SEMA3A: variants seen among roughly 807,000 people sequenced by gnomAD.
The protein encoded by SEMA3A is semaphorin 3A.
Under a neutral mutation model 97.9 loss-of-function variants are expected in SEMA3A, and 29 were observed. That is an observed-to-expected ratio of 0.30 (90% confidence interval 0.22 to 0.40). The LOEUF is 0.40. Ranked by LOEUF, SEMA3A falls within the 10% of genes least tolerant of loss-of-function variation. The probability of loss-of-function intolerance (pLI) is 1.00; values close to 1 mark genes in which losing one functional copy is unlikely to be tolerated. For synonymous variants in SEMA3A, 321 were observed against 323.7 expected (o/e 0.99, Z 0.09); for missense variants, 763 against 951.3 (o/e 0.80, Z 2.60).
At chr7:84,307,344 A>T (rs1408823627) in intron 2 of SEMA3A, 2 of 152,168 alleles carry the variant, frequency 1.3e-5, no homozygotes, top group African/African-American at 4.8e-5. Flanking sequence ...TCAAACAATT[A>T]CCAATCAATT....
chr7:84,331,797 C>A (rs1379215228), intron 2 of SEMA3A, among the ~76,000 whole-genome samples: 1 of 151,972 alleles, frequency 6.6e-6, no homozygotes, highest in Non-Finnish European at 1.5e-5. Context: ...TGCGTGCATG[C>A]GTGCGTGCAT....
At chr7:83,968,880 G>A (rs1414232402) in intron 15 of SEMA3A, among the ~76,000 whole-genome samples, 4 of 138,730 alleles carry the variant, frequency 2.9e-5, no homozygotes, top group African/African-American at 8.1e-5. Flanking sequence ...GCACGATCTC[G>A]GCTCACTGCA....
At chr7:84,272,785 C>G (rs111445004) in intron 3 of SEMA3A, among the ~76,000 whole-genome samples, 1 of 152,068 alleles carries the variant, frequency 6.6e-6, no homozygotes, top group African/African-American at 2.4e-5. Context: ...CCCTAGGCAT[C>G]GCCAAGCAAA....
chr7:84,100,451 TA>T (rs1431998247), intron 4 of SEMA3A, among the ~76,000 whole-genome samples: 3 of 152,174 alleles, frequency 2.0e-5, no homozygotes, highest in Non-Finnish European at 2.9e-5. Context: ...TTCTCATTAG[TA>T]AAATGAAGAT....
intron 2 of SEMA3A, among the ~76,000 whole-genome samples, chr7:84,129,986 A>C (rs1795916051): frequency 6.6e-6 from 1 of 152,070 alleles, no homozygotes; most frequent in South Asian, 2.1e-4. Context: ...AGGACAGTGG[A>C]TTCATCCCCC....
chr7:84,128,212 T>C (rs1366839865), intron 3 of SEMA3A, among the ~76,000 whole-genome samples: 1 of 151,812 alleles, frequency 6.6e-6, no homozygotes, highest in Non-Finnish European at 1.5e-5. Context: ...GCATGGTCCT[T>C]TTTCAACCCA....
At chr7:84,308,684 T>C (rs1406673532) in intron 2 of SEMA3A, among the ~76,000 whole-genome samples, 1 of 152,172 alleles carries the variant, frequency 6.6e-6, no homozygotes, top group Non-Finnish European at 1.5e-5. Context: ...TATCTACTGA[T>C]GTCTGGAGAA....
intron 3 of SEMA3A, among the ~76,000 whole-genome samples, chr7:84,238,990 G>A (rs865880950): frequency 3.9e-5 from 6 of 152,074 alleles, no homozygotes; most frequent in Non-Finnish European, 5.9e-5. Flanking sequence ...GTACTGGGAT[G>A]ACAGGCGTGA....
intron 12 of SEMA3A, among the ~76,000 whole-genome samples, chr7:83,990,285 A>G (rs58009552): frequency 3.8e-4 from 58 of 152,194 alleles, no homozygotes; most frequent in African/African-American, 1.3e-3. Flanking sequence ...TCACTCTGAT[A>G]GTAGTTTCTT....
At chr7:84,151,518 A>G (rs942046121) in intron 1 of SEMA3A, among the ~76,000 whole-genome samples, 2 of 152,116 alleles carry the variant, frequency 1.3e-5, no homozygotes, top group Non-Finnish European at 2.9e-5. Flanking sequence ...AATGAAATGA[A>G]GCGAGAAGGG....
intron 14 of SEMA3A, among the ~76,000 whole-genome samples, chr7:83,980,882 A>T (rs898174809): frequency 6.6e-6 from 1 of 152,000 alleles, no homozygotes; most frequent in Non-Finnish European, 1.5e-5. Context: ...ATATTTTCAA[A>T]ACTAGAAATA....
intron 1 of SEMA3A, among the ~76,000 whole-genome samples, chr7:84,385,272 TG>T (rs1276585776): frequency 6.6e-6 from 1 of 152,154 alleles, no homozygotes; most frequent in Non-Finnish European, 1.5e-5. Flanking sequence ...ATTTGTCTTT[TG>T]GGAAGCCTTG....
intron 1 of SEMA3A, among the ~76,000 whole-genome samples, chr7:84,174,418 C>T (rs552504948): frequency 3.2e-4 from 48 of 152,278 alleles, no homozygotes; most frequent in African/African-American, 1.1e-3. Flanking sequence ...GAAGCATAGA[C>T]GTTTTTCCTT....
chr7:84,443,547 G>T (rs1031028993), intron 1 of SEMA3A, among the ~76,000 whole-genome samples: 1 of 152,090 alleles, frequency 6.6e-6, no homozygotes, highest in African/African-American at 2.4e-5. Flanking sequence ...AGCAAATCAA[G>T]ACTGTAAGGT....
At chr7:84,432,712 C>T (rs556750718) in intron 1 of SEMA3A, among the ~76,000 whole-genome samples, 22 of 152,186 alleles carry the variant, frequency 1.4e-4, no homozygotes, top group Admixed American at 1.0e-3. Flanking sequence ...TGCAAAAAGA[C>T]ATAATTTCAT....
At chr7:84,052,762 A>G (rs1228505537) in intron 5 of SEMA3A, among the ~76,000 whole-genome samples, 2 of 149,478 alleles carry the variant, frequency 1.3e-5, no homozygotes, top group African/African-American at 4.9e-5. Flanking sequence ...TAGCTTTTGA[A>G]TGTGTTTGCT....
intron 12 of SEMA3A, among the ~76,000 whole-genome samples, chr7:83,991,276 T>C (rs1279624427): frequency 2.0e-5 from 3 of 152,092 alleles, no homozygotes; most frequent in African/African-American, 7.2e-5. Flanking sequence ...CAGGGACAAT[T>C]TGACTTCCTC....
chr7:84,126,529 A>G (rs954329434), intron 3 of SEMA3A, among the ~76,000 whole-genome samples: 2 of 152,084 alleles, frequency 1.3e-5, no homozygotes, highest in African/African-American at 4.8e-5. Flanking sequence ...TCATACTTAC[A>G]CTGTTGATGA....
intron 4 of SEMA3A, among the ~76,000 whole-genome samples, chr7:84,063,127 C>G (rs1434815329): frequency 1.3e-5 from 2 of 152,014 alleles, no homozygotes; most frequent in African/African-American, 4.8e-5. Context: ...CCCTAAGCAA[C>G]CTAACTGTGA....
Sources: allele counts gnomAD v4.1 joint callset (sites outside exome capture counted in the v4.1 genomes callset), GRCh38; gene constraint gnomAD v4.1.1; transcripts MANE v1.5; gene names NCBI Gene and HGNC (gene_info 2026-07-23, HGNC 2026-07-21).